CFAP36: variants seen among roughly 807,000 people sequenced by gnomAD.
The protein encoded by CFAP36 is cilia and flagella associated protein 36, also known as cilia- and flagella-associated protein 36.
CFAP36 carries 37 observed loss-of-function variants against 50.5 expected under a neutral mutation model. That is an observed-to-expected ratio of 0.73 (90% CI 0.56 to 0.96). The LOEUF (loss-of-function observed/expected upper bound fraction) is 0.96, where lower values mean the gene tolerates loss of function less well. Among genes scored for constraint, CFAP36 ranks in the 50% least tolerant of loss-of-function variants. CFAP36 has a pLI of 0.00. For missense variants in CFAP36, 407 were observed against 396.2 expected, an observed-to-expected ratio of 1.03 and a Z score of -0.23; for synonymous variants, 138 against 128.2, an observed-to-expected ratio of 1.08 and a Z score of -0.52.
chr2:55,531,014 T>A (rs1684338387), intron 4 of CFAP36: 1 of 152,190 alleles, frequency 6.6e-6, no homozygotes, highest in African/African-American at 2.4e-5. Context: ...GTAGAGACTC[T>A]TAGAGCCAGC....
At chr2:55,541,811 C>T (rs1421595072) in intron 7 of CFAP36, among the ~76,000 whole-genome samples, 1 of 148,968 alleles carries the variant, frequency 6.7e-6, no homozygotes, top group Non-Finnish European at 1.5e-5. Context: ...TCTAATTTCT[C>T]ACCATTAAGT....
chr2:55,531,738 T>A (rs1684356715), intron 4 of CFAP36, among the ~76,000 whole-genome samples: 1 of 152,186 alleles, frequency 6.6e-6, no homozygotes, highest in South Asian at 2.1e-4. Flanking sequence ...CCTCAGGTCC[T>A]ATTGATTAGG....
At chr2:55,536,596 G>A (rs763411874) in intron 6 of CFAP36, among the ~76,000 whole-genome samples, 11 of 151,962 alleles carry the variant, frequency 7.2e-5, no homozygotes, top group Admixed American at 1.3e-4. Flanking sequence ...GATTACAGGC[G>A]TGTACCACCA....
At chr2:55,522,955 C>CGGCCGGGCGCG (rs1684110582) in intron 2 of CFAP36, among the ~76,000 whole-genome samples, 1 of 151,812 alleles carries the variant, frequency 6.6e-6, no homozygotes, top group African/African-American at 2.4e-5. Flanking sequence ...ATTAATCAGT[C>CGGCCGGGCGCG]ATGATGGCAT....
At chr2:55,540,870 A>G (rs1684620574) in intron 7 of CFAP36, among the ~76,000 whole-genome samples, 1 of 151,896 alleles carries the variant, frequency 6.6e-6, no homozygotes, top group East Asian at 1.9e-4. Context: ...AAAATTAGCC[A>G]GGCATGGTGG....
chr2:55,532,178 G>T (rs551855266), intron 4 of CFAP36, among the ~76,000 whole-genome samples: 1 of 151,198 alleles, frequency 6.6e-6, no homozygotes, highest in East Asian at 1.9e-4. Flanking sequence ...TGCCAGCCTG[G>T]GCAACAGAGC....
intron 8 of CFAP36, 26 bp from the exon 9 acceptor site, chr2:55,544,194 A>G (rs375585503): frequency 2.7e-5 from 44 of 1,607,890 alleles, no homozygotes; most frequent in Non-Finnish European, 3.7e-5. Flanking sequence ...TTGAATTTAG[A>G]TAGCTCCTTT....
Position 55,544,935 on chromosome 2 carries a change from C to G in CFAP36, c.956C>G (p.Ala319Gly). The G allele has an allele frequency of 6.2e-7, 1 of 1,604,350 alleles. No homozygotes were observed. The highest frequency in any genetic ancestry group is 1.1e-5 in the South Asian group (1 of 88,192). ...EEMTEKPEMT[A>G]EEKQTLLKRR... Reference sequence around the variant, plus strand: ...ATGACAGAGAAACCAGAAATGACAGCAGAGGAGAAGCAAACATTACTAAAG... The same window carrying G: ...ATGACAGAGAAACCAGAAATGACAGGAGAGGAGAAGCAAACATTACTAAAG... The change falls in exon 10 of 10, where the codon GCA (alanine) becomes GGA (glycine). Residue 319 changes from alanine to glycine, a missense_variant. Transcript: ENST00000349456.
At chr2:55,542,850 T>C (rs952900679) in intron 7 of CFAP36, among the ~76,000 whole-genome samples, 1 of 152,186 alleles carries the variant, frequency 6.6e-6, no homozygotes, top group Non-Finnish European at 1.5e-5. Context: ...CTGTTAGTTA[T>C]GTAGCTCCCT....
At chr2:55,542,816 G>A (rs991395524) in intron 7 of CFAP36, among the ~76,000 whole-genome samples, 1 of 152,208 alleles carries the variant, frequency 6.6e-6, no homozygotes, top group South Asian at 2.1e-4. Flanking sequence ...TAATAACAGC[G>A]GTGTTTTACC....
At chr2:55,524,807 C>T (rs942958630) in intron 3 of CFAP36, among the ~76,000 whole-genome samples, 5 of 151,804 alleles carry the variant, frequency 3.3e-5, no homozygotes, top group Admixed American at 6.6e-5. Context: ...CATGGAGAAA[C>T]CCCGTCTCTA....
chr2:55,532,696 T>A (rs960297860), intron 4 of CFAP36, among the ~76,000 whole-genome samples: 6 of 152,172 alleles, frequency 3.9e-5, no homozygotes, highest in Admixed American at 2.6e-4. Flanking sequence ...ACATTTAATT[T>A]AAAAAAATGT....
rs1244617587 is a variant in CFAP36 at position 55,528,845 on chromosome 2, A to T, written c.283-33A>T. The T allele has an allele frequency of 2.2e-6, 3 of 1,362,358 alleles. No individual in the cohort carries two copies. The South Asian group carries it at 3.8e-5, about 17-fold the overall frequency. The allele number at this position is 1,362,358 out of a possible 1,614,324, so 84.4% of individuals were successfully genotyped here. A position where few individuals can be genotyped will look rare whatever the true frequency, so the allele number is the denominator to read the frequency against. ...GTATGGGTAATAGTTTTAAAACTTG[A>T]ATCTTCATTTCACTTGAGACTTCTT... On this transcript the variant is annotated intron_variant, in intron 3 of 9. Coordinates refer to ENST00000349456, the MANE Select transcript of CFAP36 (RefSeq NM_080667.7).
chr2:55,540,243 A>T (rs1684598924), intron 7 of CFAP36, among the ~76,000 whole-genome samples: 1 of 152,142 alleles, frequency 6.6e-6, no homozygotes, highest in South Asian at 2.1e-4. Flanking sequence ...GTTATCTTCT[A>T]GGATTTTTAT....
rs1295245265 is a variant in CFAP36, at chr2:55,544,222, C to G, written c.780C>G (p.Asn260Lys). 1 of 1,612,124 alleles carries G rather than the reference C, an allele frequency of 6.2e-7. No individual in the cohort carries two copies. The highest frequency in any genetic ancestry group is 1.1e-5 in the South Asian group (1 of 90,584). ...EHASIEGPIA[N>K]LSVLGTEELR... The stretch of plus-strand genomic sequence containing the variant: ...GCTCCTTTTCTTACTTGACCCAGAA[C>G]TTATCAGTACTTGGAACAGAAGAAC... The change falls in exon 9 of 10, where the codon AAC becomes AAG. Residue 260 changes from asparagine (N) to lysine (K), a missense_variant and splice_region_variant. Coordinates refer to ENST00000349456, the MANE Select transcript of CFAP36 (RefSeq NM_080667.7).
intron 2 of CFAP36, among the ~76,000 whole-genome samples, chr2:55,522,853 T>C (rs947963898): frequency 6.6e-5 from 10 of 151,906 alleles, no homozygotes; most frequent in Non-Finnish European, 1.5e-4. Flanking sequence ...CCCAGCACTT[T>C]GGAGGCCAAG....
intron 3 of CFAP36, among the ~76,000 whole-genome samples, chr2:55,526,520 C>G (rs1304795305): frequency 6.6e-6 from 1 of 152,288 alleles, no homozygotes; most frequent in African/African-American, 2.4e-5. Context: ...TAGTTCTATG[C>G]AACCTCTAAC....
At chr2:55,523,039 A>T (rs1015058418) in intron 2 of CFAP36, among the ~76,000 whole-genome samples, 2 of 150,160 alleles carry the variant, frequency 1.3e-5, no homozygotes, top group African/African-American at 4.9e-5. Context: ...TCAAGGCTGC[A>T]GTGAGCCATT....
intron 3 of CFAP36, among the ~76,000 whole-genome samples, chr2:55,526,915 C>T (rs544985405): frequency 6.6e-6 from 1 of 152,288 alleles, no homozygotes; most frequent in South Asian, 2.1e-4. Context: ...GTAGTCCTAG[C>T]TACTTGGGAA....
Sources: allele counts gnomAD v4.1 joint callset (sites outside exome capture counted in the v4.1 genomes callset), GRCh38; gene constraint gnomAD v4.1.1; transcripts MANE v1.5; gene names NCBI Gene and HGNC (gene_info 2026-07-23, HGNC 2026-07-21).